The following SOX5 variants were observed in gnomAD, a reference collection of about 807,000 sequenced individuals.
The protein encoded by SOX5 is SRY-box transcription factor 5.
SOX5 carries 9 observed loss-of-function variants against 92.0 expected under a neutral mutation model. That is an observed-to-expected ratio of 0.10 (90% CI 0.06 to 0.17). SOX5 has a LOEUF of 0.17. Ranked by LOEUF, SOX5 falls within the 10% of genes least tolerant of loss-of-function variation. The pLI, the probability that SOX5 is intolerant of heterozygous loss-of-function variation, is 1.00. For synonymous variants in SOX5, 344 were observed against 336.3 expected (o/e 1.02, Z -0.25); for missense variants, 642 against 944.5 (o/e 0.68, Z 4.20).
intron 2 of SOX5, among the ~76,000 whole-genome samples, chr12:24,326,126 A>G (rs1346701821): frequency 6.6e-6 from 1 of 152,188 alleles, no homozygotes; most frequent in Non-Finnish European, 1.5e-5. Flanking sequence ...TAACTTCTGT[A>G]CAGCATCTGG....
chr12:23,601,051 T>C (rs1354884156), intron 9 of SOX5, among the ~76,000 whole-genome samples: 1 of 152,138 alleles, frequency 6.6e-6, no homozygotes, highest in Non-Finnish European at 1.5e-5. Flanking sequence ...ATCAATGTCT[T>C]GGATTTCCAG....
chr12:24,151,646 G>A (rs1951667537), intron 4 of SOX5, among the ~76,000 whole-genome samples: 1 of 151,786 alleles, frequency 6.6e-6, no homozygotes, highest in Non-Finnish European at 1.5e-5. Context: ...TTAGTTGTTT[G>A]GTGTTTGAAA....
At chr12:24,522,142 C>A (rs1950317214) in intron 1 of SOX5, among the ~76,000 whole-genome samples, 2 of 150,794 alleles carry the variant, frequency 1.3e-5, no homozygotes, top group South Asian at 2.1e-4. Context: ...CTATTATGAA[C>A]AATTAAATGC....
chr12:24,012,070 T>C (rs1311775527), intron 4 of SOX5, among the ~76,000 whole-genome samples: 6 of 152,164 alleles, frequency 3.9e-5, no homozygotes, highest in African/African-American at 4.8e-5. Flanking sequence ...CTTTTTGTAA[T>C]TGCATACTAA....
At chr12:23,929,786 C>T (rs1940985087) in intron 1 of SOX5, among the ~76,000 whole-genome samples, 1 of 151,826 alleles carries the variant, frequency 6.6e-6, no homozygotes, top group Non-Finnish European at 1.5e-5. Flanking sequence ...TAAGACATAA[C>T]ACGACAGCTT....
At chr12:24,147,269 G>T (rs1951184352) in intron 4 of SOX5, among the ~76,000 whole-genome samples, 1 of 152,128 alleles carries the variant, frequency 6.6e-6, no homozygotes, top group Non-Finnish European at 1.5e-5. Flanking sequence ...TACCAGGAAT[G>T]CAAGGTTGTT....
At chr12:23,933,122 A>G (rs538685404) in intron 1 of SOX5, among the ~76,000 whole-genome samples, 26 of 151,784 alleles carry the variant, frequency 1.7e-4, no homozygotes, top group African/African-American at 6.0e-4. Flanking sequence ...ACAGTCAACC[A>G]AAGTCTGAAA....
Position 23,846,079 on chromosome 12 carries a change from G to A in SOX5, c.385C>T (p.Leu129=). ...QSGESLSSTA[L]GTPERRKGSL... ...CCCTTGCGCCGTTCAGGAGTTCCCA[G>A]GGCTGTACTAGACAAGGACTCGCCA... Residue 129 remains leucine (L), a synonymous_variant, in exon 3 of 15, where the codon CTG becomes TTG. Transcript: ENST00000451604. 1 of 1,614,076 alleles carries A rather than the reference G, an allele frequency of 6.2e-7. No individual in the cohort carries two copies. Among genetic ancestry groups the A allele is most frequent in the Non-Finnish European group, 8.5e-7 (1 of 1,180,000 alleles).
intron 6 of SOX5, among the ~76,000 whole-genome samples, chr12:23,668,149 GC>G: frequency 6.6e-6 from 1 of 152,180 alleles, no homozygotes; most frequent in Non-Finnish European, 1.5e-5. Flanking sequence ...TATTAGATAA[GC>G]TTTGCTCAGG....
At chr12:23,604,562 A>C in intron 8 of SOX5, 29 bp from the exon 9 acceptor site, 1 of 1,604,206 alleles carries the variant, frequency 6.2e-7, no homozygotes, top group Non-Finnish European at 8.5e-7. Flanking sequence ...GAGAGGGAGA[A>C]AGAATACTGT....
At chr12:23,677,972 T>C (rs1265228305) in intron 6 of SOX5, among the ~76,000 whole-genome samples, 2 of 152,160 alleles carry the variant, frequency 1.3e-5, no homozygotes, top group Non-Finnish European at 2.9e-5. Context: ...TAATGGATGC[T>C]GTCTCACAGT....
At chr12:24,481,839 A>C (rs1034141111) in intron 1 of SOX5, among the ~76,000 whole-genome samples, 3 of 152,210 alleles carry the variant, frequency 2.0e-5, no homozygotes, top group African/African-American at 7.2e-5. Context: ...CAAGGGTCTC[A>C]GTGAAGTCTG....
intron 4 of SOX5, among the ~76,000 whole-genome samples, chr12:24,169,267 C>A (rs1413945644): frequency 6.6e-6 from 1 of 152,152 alleles, no homozygotes; most frequent in Non-Finnish European, 1.5e-5. Context: ...TAAAATTTCA[C>A]ATGCCTAACA....
At chr12:23,970,128 A>G (rs2140123499) in intron 4 of SOX5, among the ~76,000 whole-genome samples, 1 of 152,294 alleles carries the variant, frequency 6.6e-6, no homozygotes, top group East Asian at 1.9e-4. Context: ...TTACTCTGTT[A>G]CATTATTCAG....
chr12:24,041,984 A>G lies in SOX5; in HGVS notation c.-1-145960T>C, dbSNP rs866167456. ...GTGAAGGCCTCTTGTAAAGCCCCAA[A>G]TTAATCATTAAGGTTGTTTGTTTAA... On this transcript the variant is annotated intron_variant, in intron 4 of 4. Transcript: ENST00000446891. 2.2e-4 allele frequency among the ~76,000 whole-genome samples: 33 copies of G among 152,230 alleles called. 1 individual carries two copies. The highest frequency in any genetic ancestry group is 6.7e-4 in the African/African-American group (28 of 41,582).
intron 3 of SOX5, among the ~76,000 whole-genome samples, chr12:23,770,693 A>T (rs991494164): frequency 2.6e-5 from 4 of 152,192 alleles, no homozygotes; most frequent in Admixed American, 1.3e-4. Flanking sequence ...TCCCATCAGT[A>T]AGCAGCACCT....
chr12:24,287,849 A>T (rs1054833666), intron 2 of SOX5, among the ~76,000 whole-genome samples: 3 of 152,056 alleles, frequency 2.0e-5, no homozygotes, highest in Non-Finnish European at 4.4e-5. Context: ...GAGACCCCAA[A>T]TCACAGAACA....
chr12:24,430,746 T>G (rs990001725), intron 1 of SOX5, among the ~76,000 whole-genome samples: 1 of 152,132 alleles, frequency 6.6e-6, no homozygotes, highest in Non-Finnish European at 1.5e-5. Flanking sequence ...TCAAGAACCA[T>G]TCACTAAATA....
Position 23,563,306 on chromosome 12 carries a change from C to A in SOX5, c.1440G>T (p.Lys480Asn). 1 of 1,613,988 alleles carries A rather than the reference C, an allele frequency of 6.2e-7. No individual in the cohort carries two copies. ...GACCCAGACTATTCACAACAGCCACCTTCCCATCAAGCACCTGTTGTTCCC... is the reference window on the plus strand; with the variant it reads ...GACCCAGACTATTCACAACAGCCACATTCCCATCAAGCACCTGTTGTTCCC... The part of the protein sequence containing the change: ...LRREQQVLDG[K>N]VAVVNSLGLN... Residue 480 changes from lysine to asparagine, a missense_variant, in exon 11 of 15, where the codon AAG becomes AAT. Transcript: ENST00000451604.
Sources: gnomAD v4.1 joint callset for allele counts (sites outside exome capture counted in the v4.1 genomes callset) on GRCh38, gnomAD v4.1.1 for gene constraint, MANE v1.5 for transcripts, NCBI Gene and HGNC (gene_info 2026-07-23, HGNC 2026-07-21) for gene names.